Variants in BRINP3 observed in about 807,000 individuals in gnomAD.
BRINP3 encodes the protein BMP/retinoic acid-inducible neural-specific protein 3.
A neutral mutation model predicts 71.0 loss-of-function variants in BRINP3; 19 were observed. The observed-to-expected ratio is 0.27, with a 90% CI of 0.19 to 0.39. BRINP3 has a LOEUF of 0.39. Among genes scored for constraint, BRINP3 ranks in the 10% least tolerant of loss-of-function variants. The pLI, the probability that BRINP3 is intolerant of heterozygous loss-of-function variation, is 1.00. For missense variants in BRINP3, 959 were observed against 940.8 expected (o/e 1.02, Z -0.25); for synonymous variants, 380 against 337.7 (o/e 1.13, Z -1.37).
chr1:190,126,347 A>C (rs372475112), intron 7 of BRINP3, among the ~76,000 whole-genome samples: 1 of 151,896 alleles, frequency 6.6e-6, no homozygotes, highest in African/African-American at 2.4e-5. Context: ...GAATTTGCAG[A>C]ACTATCTGCA....
chr1:190,295,589 G>T (rs904771490), intron 2 of BRINP3, among the ~76,000 whole-genome samples: 1 of 152,120 alleles, frequency 6.6e-6, no homozygotes, highest in Non-Finnish European at 1.5e-5. Flanking sequence ...GGTGAAGCAG[G>T]CTGGGACTCA....
intron 7 of BRINP3, among the ~76,000 whole-genome samples, chr1:190,123,329 T>G (rs1653835120): frequency 6.6e-6 from 1 of 152,144 alleles, no homozygotes; most frequent in Non-Finnish European, 1.5e-5. Context: ...ATGCTTATAC[T>G]GCTTGCTTTG....
At chr1:190,425,972 T>C (rs973737807) in intron 2 of BRINP3, among the ~76,000 whole-genome samples, 1 of 151,770 alleles carries the variant, frequency 6.6e-6, no homozygotes, top group African/African-American at 2.4e-5. Context: ...AGCAAAAATT[T>C]AAATGCATTG....
At chr1:190,391,520 A>T (rs1030980886) in intron 2 of BRINP3, among the ~76,000 whole-genome samples, 3 of 151,814 alleles carry the variant, frequency 2.0e-5, no homozygotes, top group Admixed American at 6.6e-5. Flanking sequence ...ATTAACTATT[A>T]TAAAACAAAC....
rs1651422798 is a variant in BRINP3, at chr1:190,098,766, T to C, written c.1553A>G (p.Asp518Gly). 6.2e-7 allele frequency: 1 copy of C among 1,614,206 alleles called. No homozygotes were observed. The highest frequency in any genetic ancestry group is 1.7e-5 in the Admixed American group (1 of 60,020). The stretch of plus-strand genomic sequence containing the variant: ...ATCAAACCAGCTATTGAGGCGCATG[T>C]CATTGCTGATAAAAATGGCATGGAC... ...IEVHAIFISN[D>G]MRLNSWFDPS... The change falls in exon 8 of 8, where the codon GAC becomes GGC. Residue 518 changes from aspartate to glycine, a missense_variant. By Grantham distance (94) the Asp-to-Gly change is moderately conservative. Transcript: ENST00000367462.
chr1:190,366,602 G>A lies in BRINP3; in HGVS notation c.237-84852C>T, dbSNP rs563619390. On this transcript the variant is annotated intron_variant, in intron 2 of 7. Coordinates refer to ENST00000367462, the MANE Select transcript of BRINP3 (RefSeq NM_199051.3). ...TCTTAACTTCTTCCACCATTAACTCGAAAGTCCTATGCCAAAGTCTCATCT... is the reference window on the plus strand; with the variant it reads ...TCTTAACTTCTTCCACCATTAACTCAAAAGTCCTATGCCAAAGTCTCATCT... Among the ~76,000 whole-genome samples the A allele has an allele frequency of 1.2e-4, 18 of 151,974 alleles. No homozygotes were observed. The East Asian group carries it at 1.6e-3, about 13-fold the overall frequency.
intron 2 of BRINP3, among the ~76,000 whole-genome samples, chr1:190,426,787 A>G (rs892528750): frequency 1.2e-4 from 18 of 151,990 alleles, no homozygotes; most frequent in South Asian, 4.1e-4. Context: ...TAAAAATTAG[A>G]CAGTTGTGTT....
chr1:190,301,212 T>TAC (rs1553283751), intron 2 of BRINP3, among the ~76,000 whole-genome samples: 1 of 68,282 alleles, frequency 1.5e-5, no homozygotes, highest in Non-Finnish European at 3.5e-5. Context: ...TACATATATA[T>TAC]ATATATATAT....
At chr1:190,306,809 C>T (rs978062604) in intron 2 of BRINP3, among the ~76,000 whole-genome samples, 10 of 151,662 alleles carry the variant, frequency 6.6e-5, no homozygotes, top group Non-Finnish European at 1.5e-5. Context: ...TGTAACATCT[C>T]AAAGGTAGAT....
chr1:190,109,055 C>A (rs1652443912), intron 7 of BRINP3, among the ~76,000 whole-genome samples: 1 of 152,006 alleles, frequency 6.6e-6, no homozygotes, highest in Non-Finnish European at 1.5e-5. Flanking sequence ...ACAGTAAATC[C>A]ACTTTGAAAT....
At chr1:190,356,410 G>C (rs1419427253) in intron 2 of BRINP3, among the ~76,000 whole-genome samples, 3 of 151,906 alleles carry the variant, frequency 2.0e-5, no homozygotes, top group Admixed American at 2.0e-4. Flanking sequence ...TTCCATTCAG[G>C]CTCTGTGAGA....
At chr1:190,429,835 C>T (rs1220332928) in intron 2 of BRINP3, among the ~76,000 whole-genome samples, 1 of 152,108 alleles carries the variant, frequency 6.6e-6, no homozygotes, top group East Asian at 1.9e-4. Context: ...GTCATCTGCC[C>T]TGCCCGCCTT....
intron 6 of BRINP3, among the ~76,000 whole-genome samples, chr1:190,199,666 T>G (rs1654812326): frequency 6.6e-6 from 1 of 151,736 alleles, no homozygotes; most frequent in Non-Finnish European, 1.5e-5. Context: ...TTGTCACAAG[T>G]TAGGAGAAAA....
chr1:190,120,555 G>A (rs1005785100), intron 7 of BRINP3, among the ~76,000 whole-genome samples: 5 of 151,816 alleles, frequency 3.3e-5, no homozygotes, highest in Non-Finnish European at 7.4e-5. Flanking sequence ...GAGTGCAGTG[G>A]TGCAATCTTG....
intron 7 of BRINP3, among the ~76,000 whole-genome samples, chr1:190,155,110 T>A (rs1005601581): frequency 6.6e-6 from 1 of 152,102 alleles, no homozygotes; most frequent in South Asian, 2.1e-4. Flanking sequence ...TACTGAAATA[T>A]GTCAGCATTT....
intron 6 of BRINP3, among the ~76,000 whole-genome samples, chr1:190,165,456 T>TGTG (rs1483286350): frequency 9.3e-6 from 1 of 107,626 alleles, no homozygotes; most frequent in African/African-American, 3.7e-5. Context: ...TTTTTTTTTT[T>TGTG]TTTTTGTGTG....
rs185928759 is a variant in BRINP3 at position 190,449,600 on chromosome 1, A to G, written c.236+5055T>C. Among the ~76,000 whole-genome samples the G allele has an allele frequency of 2.6e-5, 4 of 152,018 alleles. No individual in the cohort carries two copies. In the South Asian group the frequency reaches 8.3e-4, roughly 32 times the overall value. On this transcript the variant is annotated intron_variant, in intron 2 of 7. Coordinates refer to ENST00000367462, the MANE Select transcript of BRINP3 (RefSeq NM_199051.3). ...ATGTACATAATATGTATAATATATT[A>G]CTGTATTATTTTATTTGTTATGTGG...
At chr1:190,216,441 A>G (rs889370072) in intron 6 of BRINP3, among the ~76,000 whole-genome samples, 1 of 151,800 alleles carries the variant, frequency 6.6e-6, no homozygotes, top group African/African-American at 2.4e-5. Flanking sequence ...TTTATTTTCT[A>G]AAAATGTAAA....
chr1:190,206,203 T>C (rs1655485246), intron 6 of BRINP3, among the ~76,000 whole-genome samples: 1 of 151,932 alleles, frequency 6.6e-6, no homozygotes, highest in Non-Finnish European at 1.5e-5. Flanking sequence ...TTAGTTTAGG[T>C]ATATGAAGGA....
Sources: allele counts gnomAD v4.1 joint callset (sites outside exome capture counted in the v4.1 genomes callset), GRCh38; gene constraint gnomAD v4.1.1; transcripts MANE v1.5; gene names NCBI Gene and HGNC (gene_info 2026-07-23, HGNC 2026-07-21).